The following CDH8 variants were observed in gnomAD, a reference collection of about 807,000 sequenced individuals.
CDH8 encodes cadherin-8.
In CDH8, 17 loss-of-function variants were observed where a neutral mutation model predicts 68.1. The ratio of observed to expected loss-of-function variants is 0.25; its 90% CI spans 0.17 to 0.37. The LOEUF (loss-of-function observed/expected upper bound fraction) is 0.37. Among genes scored for constraint, CDH8 ranks in the 10% least tolerant of loss-of-function variants. The pLI is 1.00. For missense variants in CDH8, 763 were observed against 999.3 expected (o/e 0.76, Z 3.19); for synonymous variants, 372 against 365.1 (o/e 1.02, Z -0.21).
intron 9 of CDH8, among the ~76,000 whole-genome samples, chr16:61,722,080 T>C (rs1053924155): frequency 4.0e-5 from 6 of 150,888 alleles, no homozygotes; most frequent in African/African-American, 1.2e-4. Context: ...TGTGTGTGCA[T>C]GTGTGTATTT....
chr16:61,728,523 A>G (rs1959441478), intron 8 of CDH8, among the ~76,000 whole-genome samples: 1 of 151,100 alleles, frequency 6.6e-6, no homozygotes, highest in South Asian at 2.1e-4. Context: ...TTAAATATAT[A>G]TCTAATGAAC....
intron 6 of CDH8, among the ~76,000 whole-genome samples, chr16:61,820,557 C>A (rs1962189774): frequency 6.6e-6 from 1 of 151,848 alleles, no homozygotes; most frequent in Non-Finnish European, 1.5e-5. Context: ...TTTCTTCAAA[C>A]AATAGTAACT....
At position 61,683,274 on chromosome 16, in the gene CDH8, A is replaced by G. The variant is rs563551759; in HGVS notation, c.1655-27553T>C. 1.6e-4 allele frequency among the ~76,000 whole-genome samples: 25 copies of G among 152,100 alleles called. 1 individual carries two copies. Among genetic ancestry groups the G allele is most frequent in the African/African-American group, 5.5e-4 (23 of 41,538 alleles). ...AAAATGATAGGATACCCCCCATAGGACTATTAGAAATATTAAAAATAGTTC... is the reference window on the plus strand; with the variant it reads ...AAAATGATAGGATACCCCCCATAGGGCTATTAGAAATATTAAAAATAGTTC... On this transcript the variant is annotated intron_variant, in intron 10 of 11. Transcript: ENST00000577390.
chr16:62,018,324 C>T lies in CDH8; in HGVS notation c.252+2828G>A, dbSNP rs140028946. On this transcript the variant is annotated intron_variant, in intron 2 of 11. Coordinates refer to ENST00000577390, the MANE Select transcript of CDH8 (RefSeq NM_001796.5). ...AACTAGCTCTGCCCTTGAGCTTGAA[C>T]TCAGCCTGCTAGGTCAGAGGCGCCG... Among the ~76,000 whole-genome samples the T allele has an allele frequency of 1.1e-3, 174 of 152,284 alleles. 1 individual carries two copies. Among genetic ancestry groups the T allele is most frequent in the African/African-American group, 4.0e-3 (167 of 41,568 alleles).
intron 11 of CDH8, among the ~76,000 whole-genome samples, 192 bp downstream of exon 11, chr16:61,655,278 C>A (rs956883012): frequency 1.3e-5 from 2 of 152,188 alleles, no homozygotes; most frequent in Non-Finnish European, 2.9e-5. Flanking sequence ...AAGTCCTCTT[C>A]ATTTGGACAT....
At chr16:61,955,245 A>C (rs902658099) in intron 2 of CDH8, among the ~76,000 whole-genome samples, 2 of 152,234 alleles carry the variant, frequency 1.3e-5, no homozygotes, top group African/African-American at 2.4e-5. Flanking sequence ...AGATTTCTCT[A>C]TATATAATGA....
At position 61,695,159 on chromosome 16, in the gene CDH8, G is replaced by A. The variant is rs151133245; in HGVS notation, c.1654+18682C>T. Among the ~76,000 whole-genome samples the A allele has an allele frequency of 3.6e-4, 54 of 151,982 alleles. No individual in the cohort carries two copies. The East Asian group carries it at 9.1e-3, about 26-fold the overall frequency. ...AATGTGAATGGAACCATTGGAGTCC[G>A]AGAGGGGAAACCATTTCTCAAAGAT... On this transcript the variant is annotated intron_variant, in intron 10 of 11. Coordinates refer to ENST00000577390, the MANE Select transcript of CDH8 (RefSeq NM_001796.5).
At chr16:61,656,550 A>T (rs1014522096) in intron 10 of CDH8, among the ~76,000 whole-genome samples, 3 of 152,204 alleles carry the variant, frequency 2.0e-5, no homozygotes, top group African/African-American at 7.2e-5. Context: ...TAGAGCATTC[A>T]CATTAAGATA....
At chr16:61,830,636 C>T (rs1295101075) in intron 4 of CDH8, among the ~76,000 whole-genome samples, 2 of 151,742 alleles carry the variant, frequency 1.3e-5, no homozygotes, top group African/African-American at 4.8e-5. Context: ...AGCATGCTTA[C>T]AGTCACACAT....
At chr16:61,935,919 T>G (rs1377054445) in intron 2 of CDH8, among the ~76,000 whole-genome samples, 1 of 152,098 alleles carries the variant, frequency 6.6e-6, no homozygotes, top group Non-Finnish European at 1.5e-5. Context: ...GGGAGCTAGA[T>G]CTTAAGAAAG....
chr16:61,740,683 A>G (rs1596920323), intron 8 of CDH8, among the ~76,000 whole-genome samples: 1 of 152,162 alleles, frequency 6.6e-6, no homozygotes, highest in Admixed American at 6.6e-5. Context: ...CTTTAGTTCA[A>G]TGTAATATTT....
At chr16:61,894,141 A>G (rs1009139587) in intron 3 of CDH8, among the ~76,000 whole-genome samples, 1 of 152,242 alleles carries the variant, frequency 6.6e-6, no homozygotes, top group African/African-American at 2.4e-5. Context: ...GTCACCAATT[A>G]TGGAATAAAT....
intron 7 of CDH8, among the ~76,000 whole-genome samples, chr16:61,789,794 C>A (rs947184358): frequency 1.3e-5 from 2 of 152,052 alleles, no homozygotes; most frequent in Admixed American, 6.6e-5. Flanking sequence ...TATTGGACAG[C>A]TTATGATAAT....
Position 62,017,333 on chromosome 16 carries a change from T to C in CDH8, c.252+3819A>G, listed in dbSNP as rs1009484453. On this transcript the variant is annotated intron_variant, in intron 2 of 11. Transcript: ENST00000577390. ...AGCATAGACAAAGGGTATGAAATATTAAAGGAGGAACAATTACATTTTAGA... is the reference window on the plus strand; with the variant it reads ...AGCATAGACAAAGGGTATGAAATATCAAAGGAGGAACAATTACATTTTAGA... Among the ~76,000 whole-genome samples the C allele has an allele frequency of 3.3e-5, 5 of 152,040 alleles. No homozygotes were observed. The East Asian group carries it at 9.7e-4, about 29-fold the overall frequency.
intron 10 of CDH8, among the ~76,000 whole-genome samples, chr16:61,656,021 A>C (rs563427533): frequency 2.0e-5 from 3 of 152,040 alleles, no homozygotes; most frequent in Non-Finnish European, 4.4e-5. Flanking sequence ...TACAGGTGCC[A>C]GCCACCACAC....
intron 8 of CDH8, among the ~76,000 whole-genome samples, chr16:61,767,935 T>C (rs1039049307): frequency 1.4e-4 from 22 of 151,990 alleles, no homozygotes; most frequent in African/African-American, 5.1e-4. Context: ...AGAGATACAA[T>C]AGCTGCCCAA....
At chr16:61,729,699 C>G (rs1168063510) in intron 8 of CDH8, among the ~76,000 whole-genome samples, 1 of 151,282 alleles carries the variant, frequency 6.6e-6, no homozygotes, top group Non-Finnish European at 1.5e-5. Flanking sequence ...GAAACTTCTA[C>G]TAGATATTTT....
At chr16:61,726,137 C>T (rs1382180547) in intron 9 of CDH8, 1 of 150,928 alleles carries the variant, frequency 6.6e-6, no homozygotes, top group African/African-American at 2.4e-5. Flanking sequence ...CTAACACCCA[C>T]ATGAGGCACA....
Position 61,993,831 on chromosome 16 carries a change from A to G in CDH8, c.252+27321T>C, listed in dbSNP as rs1965768220. On this transcript the variant is annotated intron_variant, in intron 2 of 11. Transcript: ENST00000577390. ...GTACACAAATAAAAAAAATTCTGTG[A>G]ACACTATTCCATATCTTGTTTTAGA... Among the ~76,000 whole-genome samples the G allele has an allele frequency of 1.3e-5, 2 of 152,224 alleles. 1 individual carries two copies. The highest frequency in any genetic ancestry group is 4.1e-4 in the South Asian group (2 of 4,834).
Sources: gnomAD v4.1 joint callset for allele counts (sites outside exome capture counted in the v4.1 genomes callset) on GRCh38, gnomAD v4.1.1 for gene constraint, MANE v1.5 for transcripts, NCBI Gene and HGNC (gene_info 2026-07-23, HGNC 2026-07-21) for gene names.